Variants in POU2F2 observed in about 807,000 individuals in gnomAD.
POU2F2 encodes POU domain, class 2, transcription factor 2.
Under a neutral mutation model 63.5 loss-of-function variants are expected in POU2F2, and 14 were observed. The observed-to-expected ratio is 0.22, with a 90% CI of 0.15 to 0.34. The LOEUF (loss-of-function observed/expected upper bound fraction) is 0.34, where lower values mean the gene tolerates loss of function less well. POU2F2 is among the 10% of genes least tolerant of loss of function. The pLI is 1.00. For missense variants in POU2F2, 607 were observed against 815.2 expected (o/e 0.74, Z 3.11); for synonymous variants, 306 against 348.6 (o/e 0.88, Z 1.36).
At chr19:42,130,338 G>A (rs1414140931) in intron 1 of POU2F2, among the ~76,000 whole-genome samples, 1 of 152,064 alleles carries the variant, frequency 6.6e-6, no homozygotes, top group Non-Finnish European at 1.5e-5. Flanking sequence ...TACACCCAGA[G>A]TCACCTTATC....
upstream of POU2F2, among the ~76,000 whole-genome samples, chr19:42,179,549 G>A (rs777769230): frequency 1.3e-5 from 2 of 152,016 alleles, no homozygotes; most frequent in Non-Finnish European, 2.9e-5. Flanking sequence ...AAAGGGAGGA[G>A]GAGGAGGAGG....
chr19:42,167,538 T>C (rs1046963736), intron 1 of POU2F2, among the ~76,000 whole-genome samples: 5 of 151,970 alleles, frequency 3.3e-5, no homozygotes, highest in Admixed American at 2.6e-4. Flanking sequence ...ACAGCTTTCC[T>C]GGCAAAGGAA....
At chr19:42,179,059 G>A (rs575571755), upstream of POU2F2, among the ~76,000 whole-genome samples, 6 of 152,160 alleles carry the variant, frequency 3.9e-5, no homozygotes, top group Non-Finnish European at 5.9e-5. Context: ...CAAATGGAGA[G>A]TCAGAAATAG....
At chr19:42,127,479 G>T (rs941615278) in intron 1 of POU2F2, among the ~76,000 whole-genome samples, 2 of 152,026 alleles carry the variant, frequency 1.3e-5, no homozygotes, top group Non-Finnish European at 2.9e-5. Context: ...GGTCTCCTGG[G>T]TTGAAGCAAT....
rs114204850 is a variant in POU2F2 at position 42,185,560 on chromosome 19, G to A, written c.-70+10823C>T. Among the ~76,000 whole-genome samples, 1,008 of 152,236 alleles carry A rather than the reference G, an allele frequency of 6.6e-3. 14 individuals carry two copies. Among genetic ancestry groups the A allele is most frequent in the African/African-American group, 0.023 (964 of 41,520 alleles). On this transcript the variant is annotated intron_variant, in intron 1 of 5. Coordinates refer to the POU2F2 transcript ENST00000532176. Reference sequence around the variant, plus strand: ...AAACCACCACCACTTCCTTGAATCTGCCCTTAACCTCTTGGCCTTTGTACT... The same window carrying A: ...AAACCACCACCACTTCCTTGAATCTACCCTTAACCTCTTGGCCTTTGTACT...
In POU2F2 at chr19:42,195,938, C is replaced by T. The variant is rs1000956717; in HGVS notation, c.-70+445G>A. ...GGGATTACAGGCATGTGCCACCATA[C>T]TCGGCTAATTTTTATATTTTTAGTA... On this transcript the variant is annotated intron_variant, in intron 1 of 5. Coordinates refer to the POU2F2 transcript ENST00000532176. 3.3e-5 allele frequency among the ~76,000 whole-genome samples: 5 copies of T among 152,210 alleles called. No individual in the cohort carries two copies. The East Asian group carries it at 5.8e-4, about 18-fold the overall frequency.
At position 42,099,369 on chromosome 19, in the gene POU2F2, G is replaced by A. The variant is rs1180291367; in HGVS notation, c.567+158C>T. ...ATAGAGGAAGAGGCTGACCCAGACA[G>A]GGAGATGGGCTTGCCTGAGGTCTCA... On this transcript the variant is annotated intron_variant, in intron 7 of 14. Coordinates refer to ENST00000692977, the MANE Select transcript of POU2F2 (RefSeq NM_001394376.1). The A allele has an allele frequency of 1.1e-5, 7 of 663,972 alleles. No homozygotes were observed. In the South Asian group the frequency reaches 1.1e-4, roughly 10 times the overall value. The allele number at this position is 663,972 out of a possible 1,614,324, so 41.1% of individuals were successfully genotyped here.
chr19:42,180,787 C>T (rs1211903745), upstream of POU2F2, among the ~76,000 whole-genome samples: 2 of 152,124 alleles, frequency 1.3e-5, no homozygotes, highest in African/African-American at 4.8e-5. Context: ...AGTGCCGCAG[C>T]GTGATCATGG....
rs2146573618 is a variant in POU2F2 at position 42,117,444 on chromosome 19, A to G, written c.187-12T>C. The G allele has an allele frequency of 9.7e-7, 1 of 1,035,042 alleles. No individual in the cohort carries two copies. The highest frequency in any genetic ancestry group is 1.4e-5 in the South Asian group (1 of 69,056). The allele number at this position is 1,035,042 out of a possible 1,614,324, so 64.1% of individuals were successfully genotyped here. ...GAGAGAATGCCCACCTGTGAACCAAAGAGAGGGCACGTGTGTGGCAATGGC... is the reference window on the plus strand; with the variant it reads ...GAGAGAATGCCCACCTGTGAACCAAGGAGAGGGCACGTGTGTGGCAATGGC... On this transcript the variant is annotated splice_polypyrimidine_tract_variant and intron_variant, in intron 4 of 14. Transcript: ENST00000692977. The surrounding 1 kb of genome is among the most constrained non-coding windows in gnomAD (Gnocchi z 4.4).
intron 2 of POU2F2, among the ~76,000 whole-genome samples, chr19:42,151,166 G>T (rs2034340610): frequency 6.6e-6 from 1 of 152,176 alleles, no homozygotes; most frequent in Admixed American, 6.5e-5. Flanking sequence ...GAGGGGGAGA[G>T]GTCGGGGGTC....
Position 42,095,611 on chromosome 19 carries a change from C to A in POU2F2, c.954G>T (p.Arg318=). 6.2e-7 allele frequency: 1 copy of A among 1,613,080 alleles called. No individual in the cohort carries two copies. The highest frequency in any genetic ancestry group is 8.5e-7 in the Non-Finnish European group (1 of 1,179,770). Residue 318 remains arginine (R), a synonymous_variant, in exon 10 of 15, where the codon CGG becomes CGT. Transcript: ENST00000692977. The surrounding 1 kb of genome is among the most constrained non-coding windows in gnomAD (Gnocchi z 7.1). ...CGATGCTGGTCCTCTTCTTGCGTCT[C>A]CGGCCGGGCAGGCCGTCGAAACCCA... is the stretch of plus-strand genomic sequence containing the variant. The part of the protein sequence containing the change: ...PSLGFDGLPG[R]RRKKRTSIET...
chr19:42,135,278 G>A (rs1367879721), upstream of POU2F2, among the ~76,000 whole-genome samples: 1 of 152,028 alleles, frequency 6.6e-6, no homozygotes, highest in East Asian at 1.9e-4. Flanking sequence ...CCATGGCTGG[G>A]CCAGGAGATG....
chr19:42,167,369 G>A (rs1013015471), intron 1 of POU2F2, among the ~76,000 whole-genome samples: 7 of 151,840 alleles, frequency 4.6e-5, no homozygotes, highest in Non-Finnish European at 1.0e-4. Context: ...CACAAGAATC[G>A]CTTGAACCTC....
chr19:42,143,490 T>C (rs2034169705), intron 2 of POU2F2, among the ~76,000 whole-genome samples: 2 of 152,180 alleles, frequency 1.3e-5, no homozygotes, highest in South Asian at 4.1e-4. Context: ...AGACTTAATA[T>C]AAGTTGTGTG....
intron 1 of POU2F2, among the ~76,000 whole-genome samples, chr19:42,187,332 G>C (rs1359944966): frequency 2.6e-5 from 4 of 151,752 alleles, no homozygotes; most frequent in African/African-American, 9.7e-5. Context: ...GGGCGTGGTG[G>C]AGGGTGCCTG....
intron 2 of POU2F2, among the ~76,000 whole-genome samples, chr19:42,142,931 A>G (rs2034158621): frequency 1.3e-5 from 2 of 152,144 alleles, no homozygotes; most frequent in African/African-American, 4.8e-5. Flanking sequence ...CAAATAAATG[A>G]TTATCCCAAA....
chr19:42,130,953 C>A (rs1358686081), intron 1 of POU2F2, among the ~76,000 whole-genome samples: 1 of 104,038 alleles, frequency 9.6e-6, no homozygotes, highest in Non-Finnish European at 1.9e-5. Flanking sequence ...CTACCTATGT[C>A]CCCCCATCCC....
chr19:42,135,746 C>T (rs1322117764), upstream of POU2F2, among the ~76,000 whole-genome samples: 2 of 149,036 alleles, frequency 1.3e-5, no homozygotes, highest in African/African-American at 2.5e-5. Flanking sequence ...CTCACTCTGT[C>T]GCTCAGGCTG....
At chr19:42,133,784 T>C (rs1165184945), upstream of POU2F2, among the ~76,000 whole-genome samples, 1 of 152,068 alleles carries the variant, frequency 6.6e-6, no homozygotes, top group Non-Finnish European at 1.5e-5. The surrounding 1 kb of genome is among the most constrained non-coding windows in gnomAD (Gnocchi z 5.1). Flanking sequence ...TCTACACATA[T>C]GTGCCCAAGC....
Sources: allele counts gnomAD v4.1 joint callset (sites outside exome capture counted in the v4.1 genomes callset), GRCh38; gene constraint gnomAD v4.1.1; non-coding constraint Gnocchi (gnomAD v3.1); transcripts MANE v1.5; gene names NCBI Gene and HGNC (gene_info 2026-07-23, HGNC 2026-07-21).